The following GRIP1 variants were observed in gnomAD, a reference collection of about 807,000 sequenced individuals.
The protein encoded by GRIP1 is glutamate receptor-interacting protein 1.
In GRIP1, 45 loss-of-function variants were observed where a neutral mutation model predicts 129.9. That is an observed-to-expected ratio of 0.35 (90% CI 0.27 to 0.44). The LOEUF is 0.44. Among genes scored for constraint, GRIP1 ranks in the 20% least tolerant of loss-of-function variants. GRIP1 has a pLI of 1.00. For synonymous variants in GRIP1, 530 were observed against 520.8 expected (o/e 1.02, Z -0.24); for missense variants, 1,196 against 1,396.8 (o/e 0.86, Z 2.29).
intron 1 of GRIP1, among the ~76,000 whole-genome samples, chr12:66,650,672 C>T (rs751064038): frequency 1.2e-4 from 18 of 152,074 alleles, no homozygotes; most frequent in African/African-American, 1.9e-4. Flanking sequence ...TTAATGGTCA[C>T]GAATGAGGAA....
At chr12:66,418,499 G>A (rs2057689833) in intron 15 of GRIP1, among the ~76,000 whole-genome samples, 1 of 152,002 alleles carries the variant, frequency 6.6e-6, no homozygotes, top group Non-Finnish European at 1.5e-5. Flanking sequence ...AAAGTGAAGA[G>A]ACAACTCACA....
At chr12:67,051,550 A>G (rs1186092545) in intron 1 of GRIP1, among the ~76,000 whole-genome samples, 4 of 152,186 alleles carry the variant, frequency 2.6e-5, no homozygotes, top group African/African-American at 9.7e-5. Context: ...GTTCCCCAGG[A>G]AGGGGTTCCC....
intron 1 of GRIP1, among the ~76,000 whole-genome samples, chr12:66,692,445 C>A (rs1344566282): frequency 6.6e-6 from 1 of 152,012 alleles, no homozygotes; most frequent in African/African-American, 2.4e-5. Flanking sequence ...ACAGGCAGGG[C>A]CAAACTAGTC....
chr12:66,372,683 A>G (rs1035317396), intron 22 of GRIP1, among the ~76,000 whole-genome samples: 9 of 152,186 alleles, frequency 5.9e-5, no homozygotes, highest in African/African-American at 1.9e-4. Flanking sequence ...TTCGGTTTCA[A>G]ATATGTTCTT....
chr12:66,615,502 CA>C (rs1203510974), intron 1 of GRIP1, among the ~76,000 whole-genome samples: 1 of 152,110 alleles, frequency 6.6e-6, no homozygotes, highest in Non-Finnish European at 1.5e-5. Context: ...ACTGATTATA[CA>C]GTACAAAGTA....
At chr12:66,452,732 G>A (rs1849645659) in intron 11 of GRIP1, among the ~76,000 whole-genome samples, 1 of 151,990 alleles carries the variant, frequency 6.6e-6, no homozygotes, top group Non-Finnish European at 1.5e-5. Flanking sequence ...TAAAGCAGTG[G>A]AAATAAACCA....
At chr12:66,973,720 T>G (rs868608765) in intron 1 of GRIP1, among the ~76,000 whole-genome samples, 2 of 152,044 alleles carry the variant, frequency 1.3e-5, no homozygotes, top group African/African-American at 4.8e-5. Flanking sequence ...TAAAGTAATT[T>G]TGTAGGTACC....
chr12:66,475,167 G>A (rs1183016773), intron 7 of GRIP1, among the ~76,000 whole-genome samples: 1 of 152,082 alleles, frequency 6.6e-6, no homozygotes, highest in Non-Finnish European at 1.5e-5. Context: ...AAAAAAGGCA[G>A]GGGTTGCAAT....
intron 7 of GRIP1, among the ~76,000 whole-genome samples, chr12:66,510,620 C>T (rs1184798834): frequency 6.6e-6 from 1 of 152,128 alleles, no homozygotes; most frequent in Non-Finnish European, 1.5e-5. Context: ...AAAATGTCAA[C>T]ACAGACTAAA....
chr12:66,910,069 T>A (rs909834084), intron 1 of GRIP1, among the ~76,000 whole-genome samples: 2 of 152,182 alleles, frequency 1.3e-5, no homozygotes, highest in Non-Finnish European at 2.9e-5. Flanking sequence ...AAGAGCACTA[T>A]CACTAATGAC....
chr12:66,981,359 T>C (rs932279468), intron 1 of GRIP1, among the ~76,000 whole-genome samples: 6 of 152,214 alleles, frequency 3.9e-5, no homozygotes, highest in Non-Finnish European at 7.3e-5. Flanking sequence ...AAACTACATT[T>C]TTACATCTGT....
intron 1 of GRIP1, among the ~76,000 whole-genome samples, chr12:66,686,070 A>AAAC (rs1328545575): frequency 6.6e-6 from 1 of 152,236 alleles, no homozygotes; most frequent in African/African-American, 2.4e-5. Flanking sequence ...TACTTTAAAA[A>AAAC]AACAACAATA....
chr12:66,495,375 C>T (rs573004183), intron 7 of GRIP1, among the ~76,000 whole-genome samples: 17 of 152,170 alleles, frequency 1.1e-4, no homozygotes, highest in East Asian at 3.9e-4. Context: ...TTGCATGTGC[C>T]GTTCCACTTA....
intron 1 of GRIP1, among the ~76,000 whole-genome samples, chr12:66,803,586 T>C (rs1250170309): frequency 6.6e-6 from 1 of 152,206 alleles, no homozygotes; most frequent in East Asian, 1.9e-4. Flanking sequence ...TTGAACTTCC[T>C]TGTACAAACA....
chr12:66,971,140 C>T (rs1434105632), intron 1 of GRIP1, among the ~76,000 whole-genome samples: 6 of 152,152 alleles, frequency 3.9e-5, no homozygotes, highest in Non-Finnish European at 8.8e-5. Flanking sequence ...TTAAATGGCC[C>T]TTCTAGTCTA....
chr12:66,401,153 A>G (rs2056973350), intron 16 of GRIP1, among the ~76,000 whole-genome samples: 1 of 152,202 alleles, frequency 6.6e-6, no homozygotes, highest in Admixed American at 6.5e-5. Flanking sequence ...CAAGTGTTCC[A>G]AAAGATTTGG....
rs145259130 is a variant in GRIP1 at position 66,758,360 on chromosome 12, T to A, written c.-420+45693A>T. 3.2e-3 allele frequency among the ~76,000 whole-genome samples: 484 copies of A among 152,240 alleles called. 6 individuals carry two copies. The highest frequency in any genetic ancestry group is 0.011 in the African/African-American group (447 of 41,554). ...ATCACAAGAATAGCATGGGAAAGAC[T>A]GGCCCCCGTGATTCAATTACCCCCA... is the stretch of plus-strand genomic sequence containing the variant. On this transcript the variant is annotated intron_variant, in intron 1 of 4. Transcript: ENST00000538373.
Position 66,832,662 on chromosome 12 carries a change from C to T in GRIP1, c.59-235735G>A, listed in dbSNP as rs566977001. 3.9e-5 allele frequency among the ~76,000 whole-genome samples: 6 copies of T among 152,264 alleles called. No homozygotes were observed. In the South Asian group the frequency reaches 1.2e-3, roughly 32 times the overall value. ...ATAGTGAGGTGTTGAAGAAAATATCCAAATTATAAATATGGAGAAACAGAT... is the reference window on the plus strand; with the variant it reads ...ATAGTGAGGTGTTGAAGAAAATATCTAAATTATAAATATGGAGAAACAGAT... On this transcript the variant is annotated intron_variant, in intron 1 of 1. Coordinates refer to the GRIP1 transcript ENST00000643019.
chr12:66,765,941 TG>T (rs2136693352), intron 1 of GRIP1, among the ~76,000 whole-genome samples: 1 of 152,306 alleles, frequency 6.6e-6, no homozygotes, highest in East Asian at 1.9e-4. Context: ...TTAAATAGTG[TG>T]TGGGCACAGC....
Sources: allele counts gnomAD v4.1 joint callset (sites outside exome capture counted in the v4.1 genomes callset), GRCh38; gene constraint gnomAD v4.1.1; transcripts MANE v1.5; gene names NCBI Gene and HGNC (gene_info 2026-07-23, HGNC 2026-07-21).